Variants in LRP1B observed in about 807,000 individuals in gnomAD.
The protein encoded by LRP1B is LDL receptor related protein 1B, also known as low-density lipoprotein receptor-related protein 1B.
LRP1B carries 217 observed loss-of-function variants against 556.6 expected under a neutral mutation model. The ratio of observed to expected loss-of-function variants is 0.39; its 90% CI spans 0.35 to 0.44. The LOEUF (loss-of-function observed/expected upper bound fraction) is 0.44, where lower values mean the gene tolerates loss of function less well. Among genes scored for constraint, LRP1B ranks in the 20% least tolerant of loss-of-function variants. LRP1B has a pLI of 1.00. For missense variants in LRP1B, 5,053 were observed against 5,620.8 expected (o/e 0.90, Z 3.23); for synonymous variants, 2,047 against 1,865.8 (o/e 1.10, Z -2.50).
intron 11 of LRP1B, among the ~76,000 whole-genome samples, chr2:141,031,162 C>A (rs1159458379): frequency 6.6e-6 from 1 of 151,470 alleles, no homozygotes; most frequent in African/African-American, 2.4e-5. Flanking sequence ...GCTTAAAATA[C>A]AATTTTAAGT....
chr2:142,027,697 C>CACACAG (rs1553505457), intron 1 of LRP1B, among the ~76,000 whole-genome samples: 4 of 146,388 alleles, frequency 2.7e-5, no homozygotes, highest in African/African-American at 1.0e-4. Context: ...CACACACACA[C>CACACAG]AGAGATAAAG....
chr2:141,419,745 A>G (rs71417142), intron 3 of LRP1B, among the ~76,000 whole-genome samples: 28,022 of 151,748 alleles, frequency 0.18, 3,443 homozygotes, highest in East Asian at 0.45. Context: ...CTATATTTCT[A>G]TCTCATTTAT....
intron 2 of LRP1B, among the ~76,000 whole-genome samples, chr2:141,525,053 C>CT (rs979275962): frequency 6.6e-6 from 1 of 151,522 alleles, no homozygotes; most frequent in Admixed American, 6.6e-5. Flanking sequence ...TTTTTGTTTT[C>CT]TTTTTTTTGA....
At chr2:140,850,060 T>G (rs1364787552) in intron 29 of LRP1B, 42 bp downstream of exon 29, 1 of 1,247,748 alleles carries the variant, frequency 8.0e-7, no homozygotes, top group Non-Finnish European at 1.2e-6. Context: ...ACAAACTGAA[T>G]AACAAACACT....
chr2:142,021,762 T>C (rs1404795623), intron 1 of LRP1B, among the ~76,000 whole-genome samples: 1 of 152,184 alleles, frequency 6.6e-6, no homozygotes, highest in Non-Finnish European at 1.5e-5. Flanking sequence ...AAAAGTATTC[T>C]ACCTTTAAAA....
chr2:140,326,664 G>T (rs552397672), intron 79 of LRP1B, among the ~76,000 whole-genome samples: 2 of 151,694 alleles, frequency 1.3e-5, no homozygotes, highest in African/African-American at 4.9e-5. Flanking sequence ...AGTGAGCTGA[G>T]ATCAGCCTAG....
At chr2:141,363,668 T>G (rs1573859399) in intron 3 of LRP1B, among the ~76,000 whole-genome samples, 1 of 152,280 alleles carries the variant, frequency 6.6e-6, no homozygotes, top group East Asian at 1.9e-4. Flanking sequence ...TTTTAGATAC[T>G]TCTCAAGACT....
At chr2:141,279,098 T>C (rs1034735906) in intron 3 of LRP1B, among the ~76,000 whole-genome samples, 1 of 152,128 alleles carries the variant, frequency 6.6e-6, no homozygotes, top group Non-Finnish European at 1.5e-5. Flanking sequence ...CATCTCTGAT[T>C]TTGTAAATAA....
intron 3 of LRP1B, among the ~76,000 whole-genome samples, chr2:141,307,131 G>A (rs943846209): frequency 6.6e-6 from 1 of 151,912 alleles, no homozygotes. Flanking sequence ...TTGGTCTAAT[G>A]TGCAGTTTAA....
intron 1 of LRP1B, among the ~76,000 whole-genome samples, chr2:141,937,898 C>A (rs1700683615): frequency 6.6e-6 from 1 of 152,086 alleles, no homozygotes; most frequent in Admixed American, 6.6e-5. Flanking sequence ...CAGTTTCATT[C>A]TTTTGCCTGT....
At chr2:141,229,522 T>C (rs1449528275) in intron 5 of LRP1B, 82 bp from the exon 6 acceptor site, 2 of 999,344 alleles carry the variant, frequency 2.0e-6, no homozygotes, top group African/African-American at 3.3e-5. Context: ...TTGAAAGCTA[T>C]TTTCTATACT....
intron 87 of LRP1B, among the ~76,000 whole-genome samples, chr2:140,241,568 A>C (rs1350767718): frequency 6.6e-6 from 1 of 150,718 alleles, no homozygotes; most frequent in Non-Finnish European, 1.5e-5. Flanking sequence ...TTTTCCCTTC[A>C]TAGATGGCAG....
intron 2 of LRP1B, among the ~76,000 whole-genome samples, chr2:141,680,937 T>C (rs1691078642): frequency 6.6e-6 from 1 of 152,090 alleles, no homozygotes; most frequent in Non-Finnish European, 1.5e-5. Flanking sequence ...TGTAAGAAAA[T>C]GGTGCGTTGC....
chr2:140,705,692 TA>T (rs900653046), intron 37 of LRP1B, among the ~76,000 whole-genome samples: 19 of 56,146 alleles, frequency 3.4e-4, no homozygotes, highest in Admixed American at 5.3e-4. Context: ...GAGATAAATG[TA>T]AAAAAAAATG....
intron 7 of LRP1B, among the ~76,000 whole-genome samples, chr2:141,094,515 C>T (rs1009269039): frequency 6.6e-6 from 1 of 152,060 alleles, no homozygotes; most frequent in African/African-American, 2.4e-5. Flanking sequence ...ATACTTAAAG[C>T]TACACGAGCA....
chr2:140,485,617 C>T (rs1176733967), intron 58 of LRP1B, 93 bp from the exon 59 acceptor site: 3 of 838,196 alleles, frequency 3.6e-6, no homozygotes, highest in Non-Finnish European at 5.5e-6. Context: ...TATAGAATTC[C>T]ATTTAAATGT....
At chr2:140,316,765 A>T (rs1383397297) in intron 82 of LRP1B, among the ~76,000 whole-genome samples, 1 of 152,124 alleles carries the variant, frequency 6.6e-6, no homozygotes, top group African/African-American at 2.4e-5. Context: ...AAATTGTAAC[A>T]CTTTGTAAAT....
At chr2:140,305,330 G>C (rs9753254) in intron 83 of LRP1B, among the ~76,000 whole-genome samples, 2,577 of 152,014 alleles carry the variant, frequency 0.017, 76 homozygotes, top group African/African-American at 0.06. Flanking sequence ...CTTTTATTTT[G>C]TTGAGCAGTG....
intron 57 of LRP1B, among the ~76,000 whole-genome samples, chr2:140,488,939 G>C (rs1199697228): frequency 2.0e-5 from 3 of 151,910 alleles, no homozygotes; most frequent in Non-Finnish European, 4.4e-5. Flanking sequence ...TCTCAGGTCT[G>C]AGTTTAGTTT....
Sources: gnomAD v4.1 joint callset for allele counts (sites outside exome capture counted in the v4.1 genomes callset) on GRCh38, gnomAD v4.1.1 for gene constraint, MANE v1.5 for transcripts, NCBI Gene and HGNC (gene_info 2026-07-23, HGNC 2026-07-21) for gene names.